Variants in ADK observed in about 807,000 individuals in gnomAD.
ADK encodes the protein N6,N6-dimethyladenosine kinase.
Under a neutral mutation model 44.7 loss-of-function variants are expected in ADK, and 24 were observed. The observed-to-expected ratio is 0.54, with a 90% CI of 0.39 to 0.76. The LOEUF is 0.76. ADK is among the 30% of genes least tolerant of loss of function. The pLI, the probability that ADK is intolerant of heterozygous loss-of-function variation, is 0.00. For synonymous variants in ADK, 128 were observed against 142.6 expected (o/e 0.90, Z 0.73); for missense variants, 321 against 425.1 (o/e 0.76, Z 2.15).
At chr10:74,631,622 AG>A (rs1853428364) in intron 9 of ADK, among the ~76,000 whole-genome samples, 1 of 152,142 alleles carries the variant, frequency 6.6e-6, no homozygotes, top group African/African-American at 2.4e-5. Context: ...AATACCACAG[AG>A]TTCAGGACTG....
chr10:74,309,783 A>G (rs2131787576), intron 3 of ADK, among the ~76,000 whole-genome samples: 1 of 152,204 alleles, frequency 6.6e-6, no homozygotes, highest in African/African-American at 2.4e-5. Flanking sequence ...TTTAAAGACA[A>G]AATAATTATA....
intron 3 of ADK, among the ~76,000 whole-genome samples, chr10:74,231,050 CATT>C (rs920487079): frequency 2.6e-5 from 4 of 152,098 alleles, no homozygotes; most frequent in Non-Finnish European, 5.9e-5. Flanking sequence ...ACAGAGAACT[CATT>C]AGTTAATTAA....
chr10:74,380,484 G>T (rs553482148), intron 4 of ADK, among the ~76,000 whole-genome samples: 3 of 152,036 alleles, frequency 2.0e-5, no homozygotes, highest in African/African-American at 4.8e-5. Flanking sequence ...TTCTCCGGGC[G>T]CAGTGGCTCA....
intron 10 of ADK, among the ~76,000 whole-genome samples, chr10:74,703,452 C>T (rs1197274557): frequency 6.6e-6 from 1 of 152,006 alleles, no homozygotes; most frequent in Non-Finnish European, 1.5e-5. Flanking sequence ...TGCCACTGCA[C>T]TCCAGCCTGG....
intron 1 of ADK, among the ~76,000 whole-genome samples, chr10:74,198,902 TA>T (rs1843259905): frequency 1.3e-5 from 2 of 152,158 alleles, no homozygotes; most frequent in African/African-American, 2.4e-5. Context: ...TGAATCCTTA[TA>T]TATATAACAT....
Position 74,676,601 on chromosome 10 carries a change from C to T in ADK, c.964+6332C>T, listed in dbSNP as rs117629246. On this transcript the variant is annotated intron_variant, in intron 10 of 10. Coordinates refer to ENST00000539909, the MANE Select transcript of ADK (RefSeq NM_006721.4). ...AAGCCATCCTCCCACCTCAGTCTCC[C>T]GAGTAGCTGGGACTACAGGGTTTTT... is the stretch of plus-strand genomic sequence containing the variant. Among the ~76,000 whole-genome samples the T allele has an allele frequency of 7.7e-3, 1,171 of 152,146 alleles. 48 individuals are homozygous for T. The highest frequency in any genetic ancestry group is 0.063 in the Admixed American group (959 of 15,276).
chr10:74,680,448 A>G (rs1227621601), intron 10 of ADK, among the ~76,000 whole-genome samples: 1 of 152,230 alleles, frequency 6.6e-6, no homozygotes, highest in African/African-American at 2.4e-5. Flanking sequence ...TCCAGGAAGA[A>G]ACACTCCAAA....
intron 1 of ADK, among the ~76,000 whole-genome samples, chr10:74,161,531 A>AT (rs541676793): frequency 2.2e-3 from 330 of 151,338 alleles, no homozygotes; most frequent in African/African-American, 7.6e-3. Flanking sequence ...AATTTTAATT[A>AT]ATTTTTTTTT....
At chr10:74,445,888 G>A (rs1845571602) in intron 6 of ADK, among the ~76,000 whole-genome samples, 1 of 151,958 alleles carries the variant, frequency 6.6e-6, no homozygotes, top group African/African-American at 2.4e-5. Context: ...TTTCTGTCAT[G>A]AATCTAACTC....
At chr10:74,251,324 T>C (rs1564617835) in intron 3 of ADK, among the ~76,000 whole-genome samples, 1 of 152,200 alleles carries the variant, frequency 6.6e-6, no homozygotes, top group Non-Finnish European at 1.5e-5. Flanking sequence ...GTTCAGTGTG[T>C]CATTAAACCT....
At chr10:74,201,963 A>G (rs1431332651) in intron 2 of ADK, among the ~76,000 whole-genome samples, 1 of 152,116 alleles carries the variant, frequency 6.6e-6, no homozygotes, top group Non-Finnish European at 1.5e-5. Context: ...CGTTTTAACC[A>G]TTATAAAGTA....
chr10:74,448,900 C>G (rs947564968), intron 6 of ADK, among the ~76,000 whole-genome samples: 5 of 151,840 alleles, frequency 3.3e-5, no homozygotes, highest in Admixed American at 2.6e-4. Flanking sequence ...AAAATGCCCA[C>G]TTTTCAAATT....
chr10:74,416,224 A>G (rs1844370615), intron 6 of ADK, among the ~76,000 whole-genome samples: 1 of 151,954 alleles, frequency 6.6e-6, no homozygotes, highest in African/African-American at 2.4e-5. Flanking sequence ...CCTTTCTGGT[A>G]CTTAGCAGGA....
At chr10:74,662,642 C>T (rs553347630) in intron 9 of ADK, among the ~76,000 whole-genome samples, 2 of 152,218 alleles carry the variant, frequency 1.3e-5, no homozygotes, top group South Asian at 4.2e-4. Context: ...CAACAGTTTC[C>T]CATTTTACAT....
At chr10:74,197,109 A>C (rs1170900970) in intron 1 of ADK, among the ~76,000 whole-genome samples, 1 of 152,164 alleles carries the variant, frequency 6.6e-6, no homozygotes, top group African/African-American at 2.4e-5. Flanking sequence ...CTTAGGTTAC[A>C]TGCCAGTCTC....
chr10:74,224,796 C>T (rs1023111390), intron 3 of ADK, among the ~76,000 whole-genome samples: 2 of 152,190 alleles, frequency 1.3e-5, no homozygotes, highest in African/African-American at 4.8e-5. Flanking sequence ...CCTGTATTCA[C>T]ATTAAAAGAT....
At chr10:74,498,114 C>G (rs977390939) in intron 6 of ADK, among the ~76,000 whole-genome samples, 8 of 152,262 alleles carry the variant, frequency 5.3e-5, no homozygotes, top group African/African-American at 1.9e-4. Context: ...TGGTGTTGAT[C>G]TCCTGACCTC....
At chr10:74,233,828 A>G (rs1591905247) in intron 3 of ADK, among the ~76,000 whole-genome samples, 1 of 152,300 alleles carries the variant, frequency 6.6e-6, no homozygotes, top group East Asian at 1.9e-4. Context: ...CAACAATAAC[A>G]AAAAAGGATA....
intron 6 of ADK, among the ~76,000 whole-genome samples, chr10:74,522,190 A>G (rs1288191765): frequency 6.6e-6 from 1 of 152,224 alleles, no homozygotes; most frequent in African/African-American, 2.4e-5. Context: ...CTGTATTTTT[A>G]TGCGAAGTCT....
Sources: gnomAD v4.1 joint callset for allele counts (sites outside exome capture counted in the v4.1 genomes callset) on GRCh38, gnomAD v4.1.1 for gene constraint, MANE v1.5 for transcripts, NCBI Gene and HGNC (gene_info 2026-07-23, HGNC 2026-07-21) for gene names.